BICRAL: variants seen among roughly 807,000 people sequenced by gnomAD.
The protein encoded by BICRAL is BRD4-interacting chromatin-remodeling complex-associated protein-like.
In BICRAL, 8 loss-of-function variants were observed where a neutral mutation model predicts 91.8. That is an observed-to-expected ratio of 0.09 (90% CI 0.05 to 0.16). The LOEUF (loss-of-function observed/expected upper bound fraction) is 0.16, where lower values mean the gene tolerates loss of function less well. Ranked by LOEUF, BICRAL falls within the 10% of genes least tolerant of loss-of-function variation. BICRAL has a pLI of 1.00. For missense variants in BICRAL, 1,038 were observed against 1,310.9 expected (o/e 0.79, Z 3.21); for synonymous variants, 445 against 491.1 (o/e 0.91, Z 1.24).
chr6:42,779,716 T>G (rs957675359), upstream of BICRAL, among the ~76,000 whole-genome samples: 2 of 152,232 alleles, frequency 1.3e-5, no homozygotes, highest in African/African-American at 4.8e-5. Flanking sequence ...TTGCTCAATC[T>G]CAAGCGATTC....
chr6:42,840,399 C>T (rs887416172), intron 6 of BICRAL, among the ~76,000 whole-genome samples: 4 of 151,974 alleles, frequency 2.6e-5, no homozygotes, highest in East Asian at 3.9e-4. Flanking sequence ...TGTGCCACCA[C>T]ACCCGCTAAT....
chr6:42,852,348 T>C (rs896400796), intron 7 of BICRAL, 151 bp downstream of exon 7: 2 of 707,688 alleles, frequency 2.8e-6, no homozygotes, highest in East Asian at 2.7e-5. Flanking sequence ...GCAAATAATA[T>C]ACTGTGTTGC....
At position 42,861,219 on chromosome 6, in the gene BICRAL, A is replaced by G. The variant is rs372476409; in HGVS notation, c.2349+863A>G. ...GGCCAACATGGTGAAACTCGTCTCT[A>G]CTAAAATACAAACATTTCAGTGTTC... On this transcript the variant is annotated intron_variant, in intron 11 of 12. Coordinates refer to ENST00000314073, the MANE Select transcript of BICRAL (RefSeq NM_001393499.1). Among the ~76,000 whole-genome samples, 45 of 152,128 alleles carry G rather than the reference A, an allele frequency of 3.0e-4. No individual in the cohort carries two copies. The South Asian group carries it at 7.7e-3, about 26-fold the overall frequency.
intron 1 of BICRAL, among the ~76,000 whole-genome samples, chr6:42,759,361 C>T (rs900257620): frequency 1.3e-4 from 20 of 152,306 alleles, no homozygotes; most frequent in Middle Eastern, 3.4e-3. Context: ...AAGGATCAGT[C>T]TGGATGCTCT....
chr6:42,805,785 A>G (rs1317737544), intron 1 of BICRAL, among the ~76,000 whole-genome samples: 2 of 152,098 alleles, frequency 1.3e-5, no homozygotes, highest in African/African-American at 4.8e-5. Context: ...GTGGATCACA[A>G]GGTCAGGAGA....
intron 1 of BICRAL, among the ~76,000 whole-genome samples, chr6:42,761,049 TA>T (rs968839516): frequency 2.6e-5 from 4 of 151,008 alleles, no homozygotes; most frequent in African/African-American, 7.3e-5. Context: ...CTGTCTCAAA[TA>T]AAAAAAAAGG....
chr6:42,762,508 T>G (rs149940383), intron 1 of BICRAL, among the ~76,000 whole-genome samples: 1 of 152,328 alleles, frequency 6.6e-6, no homozygotes, highest in African/African-American at 2.4e-5. Flanking sequence ...AAAACACTTG[T>G]GTGTTATGTA....
intron 1 of BICRAL, among the ~76,000 whole-genome samples, chr6:42,766,823 G>A (rs1762639804): frequency 6.6e-6 from 1 of 152,154 alleles, no homozygotes; most frequent in Non-Finnish European, 1.5e-5. Context: ...GGCGGATCAT[G>A]AGGTCAGGAG....
At chr6:42,795,372 A>G (rs1399131826) in intron 1 of BICRAL, among the ~76,000 whole-genome samples, 2 of 152,222 alleles carry the variant, frequency 1.3e-5, no homozygotes, top group African/African-American at 2.4e-5. Flanking sequence ...TGGAGGTTGC[A>G]GTGTGCCGAG....
chr6:42,823,424 T>C (rs936468102), intron 5 of BICRAL, among the ~76,000 whole-genome samples: 1 of 152,160 alleles, frequency 6.6e-6, no homozygotes, highest in Non-Finnish European at 1.5e-5. Flanking sequence ...GCCCAGCCTG[T>C]TGTAATTTAT....
chr6:42,761,151 G>C (rs1327197439), intron 1 of BICRAL, among the ~76,000 whole-genome samples: 4 of 152,098 alleles, frequency 2.6e-5, no homozygotes, highest in African/African-American at 9.7e-5. Flanking sequence ...GAACAGATCT[G>C]AGTTTAAATT....
chr6:42,760,184 C>T (rs1582800482), intron 1 of BICRAL, among the ~76,000 whole-genome samples: 1 of 151,760 alleles, frequency 6.6e-6, no homozygotes, highest in Admixed American at 6.6e-5. Flanking sequence ...GCGGAGGTTG[C>T]GGTGAGCTGA....
chr6:42,824,449 A>G (rs1487577032), intron 5 of BICRAL, among the ~76,000 whole-genome samples: 1 of 151,904 alleles, frequency 6.6e-6, no homozygotes, highest in African/African-American at 2.4e-5. Context: ...GGTTCAAGCA[A>G]TTCTCCTGCC....
At chr6:42,831,944 G>T (rs1004851286) in intron 6 of BICRAL, among the ~76,000 whole-genome samples, 1 of 151,400 alleles carries the variant, frequency 6.6e-6, no homozygotes, top group Non-Finnish European at 1.5e-5. Flanking sequence ...TCACCATGTC[G>T]CCCAGGCTGG....
chr6:42,824,053 C>T (rs531629067), intron 5 of BICRAL, among the ~76,000 whole-genome samples: 3 of 152,026 alleles, frequency 2.0e-5, no homozygotes, highest in South Asian at 2.1e-4. Flanking sequence ...CGGGCCAACA[C>T]GGTGAAACCC....
chr6:42,789,992 C>G (rs1265667647), intron 1 of BICRAL, among the ~76,000 whole-genome samples: 2 of 151,566 alleles, frequency 1.3e-5, no homozygotes, highest in African/African-American at 2.4e-5. Context: ...AAACAGTATT[C>G]TGTTAGAGAT....
At chr6:42,854,562 G>C (rs1402335977) in intron 8 of BICRAL, among the ~76,000 whole-genome samples, 1 of 152,122 alleles carries the variant, frequency 6.6e-6, no homozygotes, top group African/African-American at 2.4e-5. Context: ...CTGTCACTCA[G>C]ACTGTGCTGC....
intron 1 of BICRAL, among the ~76,000 whole-genome samples, chr6:42,765,027 C>G (rs1762612436): frequency 6.6e-6 from 1 of 152,144 alleles, no homozygotes; most frequent in South Asian, 2.1e-4. Context: ...TTATGGGGCT[C>G]AGAAGTGTTT....
chr6:42,768,588 ATAT>A (rs1762668533), intron 1 of BICRAL, among the ~76,000 whole-genome samples: 1 of 152,202 alleles, frequency 6.6e-6, no homozygotes. Flanking sequence ...AGGAAAGGAA[ATAT>A]TCCAACTCCA....
Sources: gnomAD v4.1 joint callset for allele counts (sites outside exome capture counted in the v4.1 genomes callset) on GRCh38, gnomAD v4.1.1 for gene constraint, MANE v1.5 for transcripts, NCBI Gene and HGNC (gene_info 2026-07-23, HGNC 2026-07-21) for gene names.